ENTREP2: variants seen among roughly 807,000 people sequenced by gnomAD.
ENTREP2 encodes protein ENTREP2.
At chr15:29,191,805 TTGGGAGGCTAAGG>T in the ENTREP2 span, among the ~76,000 whole-genome samples, 104 of 152,202 alleles carry the variant, frequency 6.8e-4, no homozygotes, top group African/African-American at 1.9e-3. Context: ...TCCCAGCTAC[TTGGGAGGCTAAGG>T]TGGGAGGATC....
chr15:29,162,919 C>G, the ENTREP2 span, among the ~76,000 whole-genome samples: 2 of 152,176 alleles, frequency 1.3e-5, no homozygotes, highest in East Asian at 3.9e-4. Flanking sequence ...ACACCCCCCA[C>G]CACCTCCACT....
chr15:29,542,150 T>C, the ENTREP2 span, among the ~76,000 whole-genome samples: 2 of 152,140 alleles, frequency 1.3e-5, no homozygotes, highest in African/African-American at 4.8e-5. Context: ...GTAGCTGGGA[T>C]TACAGGCGTG....
At chr15:29,382,983 G>A in the ENTREP2 span, among the ~76,000 whole-genome samples, 2 of 152,106 alleles carry the variant, frequency 1.3e-5, no homozygotes, top group Non-Finnish European at 1.5e-5. Flanking sequence ...CTGGGCTCCT[G>A]TGGCTTCTCA....
At chr15:29,164,944 A>G in the ENTREP2 span, among the ~76,000 whole-genome samples, 1 of 152,288 alleles carries the variant, frequency 6.6e-6, no homozygotes, top group South Asian at 2.1e-4. Context: ...AACAAGACTC[A>G]ATAAATTTAA....
chr15:29,329,100 C>G, the ENTREP2 span, among the ~76,000 whole-genome samples: 1 of 152,162 alleles, frequency 6.6e-6, no homozygotes, highest in Non-Finnish European at 1.5e-5. Flanking sequence ...CAGTGGCTCA[C>G]ACCTGTAACC....
At chr15:29,205,847 A>G in the ENTREP2 span, among the ~76,000 whole-genome samples, 1 of 152,224 alleles carries the variant, frequency 6.6e-6, no homozygotes, top group South Asian at 2.1e-4. Flanking sequence ...TTTCACAAAA[A>G]CTGTCAGTAA....
At chr15:29,585,986 G>A in the ENTREP2 span, among the ~76,000 whole-genome samples, 1 of 151,856 alleles carries the variant, frequency 6.6e-6, no homozygotes, top group Non-Finnish European at 1.5e-5. Flanking sequence ...CAAGAGAACT[G>A]AAAATGTATT....
At chr15:29,369,488 A>T in the ENTREP2 span, among the ~76,000 whole-genome samples, 1 of 152,212 alleles carries the variant, frequency 6.6e-6, no homozygotes, top group Non-Finnish European at 1.5e-5. Context: ...TCGAAAATGA[A>T]GAAAAAATCA....
the ENTREP2 span, among the ~76,000 whole-genome samples, chr15:29,308,204 C>A: frequency 6.6e-6 from 1 of 151,952 alleles, no homozygotes; most frequent in Non-Finnish European, 1.5e-5. Context: ...AGTGAAACCC[C>A]GTCTCTACTA....
the ENTREP2 span, among the ~76,000 whole-genome samples, chr15:29,335,703 C>A: frequency 2.0e-5 from 3 of 151,610 alleles, no homozygotes; most frequent in Non-Finnish European, 4.4e-5. Flanking sequence ...GGGTCAGCCA[C>A]CCTGGCACTG....
chr15:29,540,275 G>T, the ENTREP2 span, among the ~76,000 whole-genome samples: 1 of 152,124 alleles, frequency 6.6e-6, no homozygotes, highest in Non-Finnish European at 1.5e-5. Flanking sequence ...TCGCTATGTT[G>T]AAATGTATTA....
chr15:29,429,813 G>GT, the ENTREP2 span, among the ~76,000 whole-genome samples: 110 of 152,330 alleles, frequency 7.2e-4, no homozygotes, highest in African/African-American at 2.5e-3. Context: ...CCGGGCCGGC[G>GT]TGAGGGCACC....
chr15:29,436,163 A>G, the ENTREP2 span, among the ~76,000 whole-genome samples: 1 of 152,240 alleles, frequency 6.6e-6, no homozygotes, highest in South Asian at 2.1e-4. Flanking sequence ...CATTTTCTCT[A>G]CAATGTCAGG....
chr15:29,256,714 C>T, the ENTREP2 span, among the ~76,000 whole-genome samples: 2 of 152,118 alleles, frequency 1.3e-5, no homozygotes, highest in African/African-American at 4.8e-5. Flanking sequence ...GTTTCTAAAA[C>T]TGAGTTTCAT....
At chr15:29,583,164 A>G in the ENTREP2 span, among the ~76,000 whole-genome samples, 1 of 152,224 alleles carries the variant, frequency 6.6e-6, no homozygotes, top group East Asian at 1.9e-4. Flanking sequence ...GAAAAATGAC[A>G]TGAAAGCATT....
At chr15:29,309,597 C>T in the ENTREP2 span, among the ~76,000 whole-genome samples, 1 of 151,920 alleles carries the variant, frequency 6.6e-6, no homozygotes, top group East Asian at 1.9e-4. Context: ...ATGGCCAGCA[C>T]GGCCGACATG....
At chr15:29,240,885 A>G in the ENTREP2 span, among the ~76,000 whole-genome samples, 1 of 152,190 alleles carries the variant, frequency 6.6e-6, no homozygotes, top group African/African-American at 2.4e-5. Flanking sequence ...GGCTCAGGAA[A>G]GTTAGCGACC....
chr15:29,216,060 C>T, the ENTREP2 span, among the ~76,000 whole-genome samples: 1 of 151,892 alleles, frequency 6.6e-6, no homozygotes, highest in Non-Finnish European at 1.5e-5. Flanking sequence ...TTTTATAGGT[C>T]CTGTGTGATT....
chr15:29,498,757 G>T, the ENTREP2 span, among the ~76,000 whole-genome samples: 3 of 151,920 alleles, frequency 2.0e-5, no homozygotes. Context: ...AGGTAATGAG[G>T]TCCCTCATTA....
Sources: allele counts gnomAD v4.1 joint callset (sites outside exome capture counted in the v4.1 genomes callset), GRCh38; gene constraint gnomAD v4.1.1; transcripts MANE v1.5; gene names NCBI Gene and HGNC (gene_info 2026-07-23, HGNC 2026-07-21).